The following FBH1 variants were observed in gnomAD, a reference collection of about 807,000 sequenced individuals.
The protein encoded by FBH1 is F-box DNA helicase 1, also known as DNA 3'-5' helicase 1.
Under a neutral mutation model 115.5 loss-of-function variants are expected in FBH1, and 43 were observed. The observed-to-expected ratio is 0.37, with a 90% confidence interval of 0.29 to 0.48. The LOEUF (loss-of-function observed/expected upper bound fraction) is 0.48. Ranked by LOEUF, FBH1 falls within the 20% of genes least tolerant of loss-of-function variation. FBH1 has a pLI of 0.99. For missense variants in FBH1, 1,001 were observed against 1,337.3 expected (o/e 0.75, Z 3.92); for synonymous variants, 524 against 507.8 (o/e 1.03, Z -0.43).
At chr10:5,890,761 CG>C (rs1425452502) in intron 1 of FBH1, among the ~76,000 whole-genome samples, 1 of 152,062 alleles carries the variant, frequency 6.6e-6, no homozygotes, top group African/African-American at 2.4e-5. Flanking sequence ...CCTGTGTCAT[CG>C]GTAGCTTCTC....
rs576222298 is a variant in FBH1, at chr10:5,897,089, C to T, written c.2-5931C>T. The stretch of plus-strand genomic sequence containing the variant: ...ATTAAAACTGATGTGCCTTAGGAGA[C>T]CCTCAGATTGGTGTGGTAGTCACAT... On this transcript the variant is annotated intron_variant, in intron 1 of 20. Coordinates refer to ENST00000362091, the MANE Select transcript of FBH1 (RefSeq NM_178150.3). This position sits in a 1 kb window ranked among gnomAD's most constrained non-coding sequence, Gnocchi z 4.7. Among the ~76,000 whole-genome samples the T allele has an allele frequency of 1.1e-4, 16 of 152,204 alleles. No homozygotes were observed. Among genetic ancestry groups the T allele is most frequent in the Admixed American group, 5.2e-4 (8 of 15,282 alleles).
intron 2 of FBH1, among the ~76,000 whole-genome samples, chr10:5,903,741 C>A (rs1843518688): frequency 6.6e-6 from 1 of 152,166 alleles, no homozygotes; most frequent in Non-Finnish European, 1.5e-5. Flanking sequence ...AAGACATGAG[C>A]CAGTGTCACT....
At chr10:5,898,060 C>A (rs1210103646) in intron 1 of FBH1, among the ~76,000 whole-genome samples, 2 of 151,928 alleles carry the variant, frequency 1.3e-5, no homozygotes, top group African/African-American at 4.8e-5. Flanking sequence ...GGCTCCTGGA[C>A]CTCCCAGCCG....
chr10:5,890,771 T>A (rs1396928447), intron 1 of FBH1, among the ~76,000 whole-genome samples: 7 of 151,990 alleles, frequency 4.6e-5, no homozygotes, highest in Admixed American at 4.6e-4. Flanking sequence ...CGGTAGCTTC[T>A]CTGCCCCTCC....
Position 5,924,255 on chromosome 10 carries a change from C to CCACCATCTGTTAGTGGAGCTTGTGT in FBH1, c.2399-51_2399-27dup. On this transcript the variant is annotated intron_variant, in intron 16 of 20. Transcript: ENST00000362091. This position sits in a 1 kb window ranked among gnomAD's most constrained non-coding sequence, Gnocchi z 6.2. ...GCTGCTTAGGAACGTGCAGCACCTG[C>CCACCATCTGTTAGTGGAGCTTGTGT]CACCATCTGTTAGTGGAGCTTGTGT... 6.4e-7 allele frequency: 1 copy of CCACCATCTGTTAGTGGAGCTTGTGT among 1,571,520 alleles called. No individual in the cohort carries two copies.
chr10:5,918,433 C>T lies in FBH1; in HGVS notation c.2055C>T (p.Asn685=), dbSNP rs143078577. The T allele has an allele frequency of 1.2e-5, 20 of 1,611,240 alleles. No homozygotes were observed. The highest frequency in any genetic ancestry group is 1.2e-4 in the Admixed American group (7 of 58,874). ...TCTATACCTTCCGGGGTGCGGTCAA[C>T]GCCCTGTTCACAGTGCCCCACACCC... ...QQIYTFRGAV[N]ALFTVPHTHV... is the part of the protein sequence containing the mutation. The change falls in exon 13 of 21, where the codon AAC becomes AAT. Residue 685 remains asparagine (N), a synonymous_variant. Coordinates refer to ENST00000362091, the MANE Select transcript of FBH1 (RefSeq NM_178150.3). This position sits in a 1 kb window ranked among gnomAD's most constrained non-coding sequence, Gnocchi z 4.0.
At chr10:5,901,918 G>A (rs774666663) in intron 1 of FBH1, among the ~76,000 whole-genome samples, 4 of 152,164 alleles carry the variant, frequency 2.6e-5, no homozygotes, top group Non-Finnish European at 4.4e-5. Flanking sequence ...CATGCCATAA[G>A]GAGGTAGCTA....
rs1839770564 is a variant in FBH1 at position 5,914,060 on chromosome 10, GC to G, written c.1305-116del. ...AACATGTTTATTCTCGTAAGGGGAGGCCTTTTTTTTGGTCAGCTTTTGTTTA... is the reference window on the plus strand; with the variant it reads ...AACATGTTTATTCTCGTAAGGGGAGGCTTTTTTTTGGTCAGCTTTTGTTTA... On this transcript the variant is annotated intron_variant, in intron 7 of 20. Coordinates refer to ENST00000362091, the MANE Select transcript of FBH1 (RefSeq NM_178150.3). The surrounding 1 kb of genome is among the most constrained non-coding windows in gnomAD (Gnocchi z 5.2). 2 of 974,056 alleles carry G rather than the reference GC, an allele frequency of 2.1e-6. No individual in the cohort carries two copies. The highest frequency in any genetic ancestry group is 3.2e-6 in the Non-Finnish European group (2 of 634,482). 60.3% of individuals were successfully genotyped at this position (974,056 alleles called of 1,614,324 possible).
Position 5,897,760 on chromosome 10 carries a change from C to T in FBH1, c.2-5260C>T, listed in dbSNP as rs1013648187. ...ACATATTGGAATATACCGGGACTCC[C>T]TTGAAGCAGAACACAGTGTTCCAAC... On this transcript the variant is annotated intron_variant, in intron 1 of 20. Coordinates refer to ENST00000362091, the MANE Select transcript of FBH1 (RefSeq NM_178150.3). The surrounding 1 kb of genome is among the most constrained non-coding windows in gnomAD (Gnocchi z 4.7). Among the ~76,000 whole-genome samples the T allele has an allele frequency of 2.0e-5, 3 of 152,180 alleles. No homozygotes were observed. In the South Asian group the frequency reaches 6.2e-4, roughly 32 times the overall value.
intron 1 of FBH1, among the ~76,000 whole-genome samples, chr10:5,898,744 G>T (rs1427356735): frequency 6.6e-6 from 1 of 152,188 alleles, no homozygotes; most frequent in Admixed American, 6.5e-5. Flanking sequence ...CACCTTGCGG[G>T]TGAGGATTTC....
chr10:5,921,168 C>G lies in FBH1; in HGVS notation c.2101-90C>G, dbSNP rs1416885537. 10 of 1,278,776 alleles carry G rather than the reference C, an allele frequency of 7.8e-6. No homozygotes were observed. In the Admixed American group the frequency reaches 1.9e-4, roughly 24 times the overall value. The allele number at this position is 1,278,776 out of a possible 1,614,324, so 79.2% of individuals were successfully genotyped here. A position where few individuals can be genotyped will look rare whatever the true frequency, so the allele number is the denominator to read the frequency against. Reference sequence around the variant, plus strand: ...GGGGGTCAGGAACAACTTGTAGGGTCTGGCCCGGCCAGGCTGTGGCAGCAG... The same window carrying G: ...GGGGGTCAGGAACAACTTGTAGGGTGTGGCCCGGCCAGGCTGTGGCAGCAG... On this transcript the variant is annotated intron_variant, in intron 13 of 20. Transcript: ENST00000362091. The surrounding 1 kb of genome is among the most constrained non-coding windows in gnomAD (Gnocchi z 6.4).
Position 5,913,920 on chromosome 10 carries a change from A to G in FBH1, c.1304+81A>G, listed in dbSNP as rs1831767258. ...CTTAAGGAGGGAGATGTTTTGCTTCACTTTAGCAACATCATTGAGGTTAAT... is the reference window on the plus strand; with the variant it reads ...CTTAAGGAGGGAGATGTTTTGCTTCGCTTTAGCAACATCATTGAGGTTAAT... On this transcript the variant is annotated intron_variant, in intron 7 of 20. Coordinates refer to ENST00000362091, the MANE Select transcript of FBH1 (RefSeq NM_178150.3). This position sits in a 1 kb window ranked among gnomAD's most constrained non-coding sequence, Gnocchi z 4.4. 9.1e-7 allele frequency: 1 copy of G among 1,102,520 alleles called. No homozygotes were observed. Among genetic ancestry groups the G allele is most frequent in the African/African-American group, 1.6e-5 (1 of 62,926 alleles). The allele number at this position is 1,102,520 out of a possible 1,614,324, so 68.3% of individuals were successfully genotyped here.
chr10:5,913,632 TG>T lies in FBH1; in HGVS notation c.1212-113del. 1 of 659,040 alleles carries T rather than the reference TG, an allele frequency of 1.5e-6. No homozygotes were observed. The highest frequency in any genetic ancestry group is 2.5e-6 in the Non-Finnish European group (1 of 393,598). 40.8% of individuals were successfully genotyped at this position (659,040 alleles called of 1,614,324 possible). ...TTTCTTTCTTTTTTCCATTAAATGG[TG>T]GTAGGTATTTTCTTTTTAGAAATGG... On this transcript the variant is annotated intron_variant, in intron 6 of 20. Transcript: ENST00000362091. This position sits in a 1 kb window ranked among gnomAD's most constrained non-coding sequence, Gnocchi z 4.4.
Position 5,895,014 on chromosome 10 carries a change from A to G in FBH1, c.1+4668A>G, listed in dbSNP as rs1302878386. 1 of 1,592,584 alleles carries G rather than the reference A, an allele frequency of 6.3e-7. No homozygotes were observed. Among genetic ancestry groups the G allele is most frequent in the Non-Finnish European group, 8.6e-7 (1 of 1,165,586 alleles). On this transcript the variant is annotated intron_variant, in intron 1 of 20. Transcript: ENST00000362091. This position sits in a 1 kb window ranked among gnomAD's most constrained non-coding sequence, Gnocchi z 5.0. ...TTTTATGGTGCTGGAGTTGAGAGAT[A>G]ACACAGTTAACTGTTGAAATTGGGC...
intron 6 of FBH1, among the ~76,000 whole-genome samples, chr10:5,912,384 A>T (rs565442459): frequency 6.6e-6 from 1 of 151,782 alleles, no homozygotes; most frequent in East Asian, 1.9e-4. Context: ...AAAATGTAGA[A>T]TAAAACTCAG....
rs1256258517 is a variant in FBH1 at position 5,931,746 on chromosome 10, G to T, written c.2829+4205G>T. Among the ~76,000 whole-genome samples, 2 of 152,100 alleles carry T rather than the reference G, an allele frequency of 1.3e-5. No individual in the cohort carries two copies. The highest frequency in any genetic ancestry group is 4.8e-5 in the African/African-American group (2 of 41,410). On this transcript the variant is annotated intron_variant, in intron 19 of 20. Coordinates refer to ENST00000362091, the MANE Select transcript of FBH1 (RefSeq NM_178150.3). This position sits in a 1 kb window ranked among gnomAD's most constrained non-coding sequence, Gnocchi z 4.3. ...TGTGGTTTTATTACCAACTTAATTT[G>T]CAGTTAGACATGTAGTTTATTCATA...
At chr10:5,891,749 A>G (rs1444222147) in intron 1 of FBH1, among the ~76,000 whole-genome samples, 1 of 152,210 alleles carries the variant, frequency 6.6e-6, no homozygotes, top group Non-Finnish European at 1.5e-5. Flanking sequence ...AGCTGGGATT[A>G]CAGGCGTGTG....
At position 5,921,093 on chromosome 10, in the gene FBH1, G is replaced by T. The variant is rs1160227998; in HGVS notation, c.2101-165G>T. Among the ~76,000 whole-genome samples, 1 of 152,226 alleles carries T rather than the reference G, an allele frequency of 6.6e-6. No homozygotes were observed. The highest frequency in any genetic ancestry group is 1.5e-5 in the Non-Finnish European group (1 of 68,038). ...AGAATAATGGAAAATAAAGACTGCTGAGTTGTGAAGGACCTTGAAAGTGAG... is the reference window on the plus strand; with the variant it reads ...AGAATAATGGAAAATAAAGACTGCTTAGTTGTGAAGGACCTTGAAAGTGAG... On this transcript the variant is annotated intron_variant, in intron 13 of 20. Transcript: ENST00000362091. The surrounding 1 kb of genome is among the most constrained non-coding windows in gnomAD (Gnocchi z 6.4).
chr10:5,917,551 T>C lies in FBH1; in HGVS notation c.1877-39T>C. On this transcript the variant is annotated intron_variant, in intron 11 of 20. Coordinates refer to ENST00000362091, the MANE Select transcript of FBH1 (RefSeq NM_178150.3). This position sits in a 1 kb window ranked among gnomAD's most constrained non-coding sequence, Gnocchi z 5.6. ...GCGGGGACTGGCCAATGGGACTGCCTTCCTGGCGTTACAACTCCTGCGTCT... is the reference window on the plus strand; with the variant it reads ...GCGGGGACTGGCCAATGGGACTGCCCTCCTGGCGTTACAACTCCTGCGTCT... 2.5e-6 allele frequency: 4 copies of C among 1,613,456 alleles called. No individual in the cohort carries two copies. Among genetic ancestry groups the C allele is most frequent in the Non-Finnish European group, 3.4e-6 (4 of 1,179,378 alleles).
Sources: gnomAD v4.1 joint callset for allele counts (sites outside exome capture counted in the v4.1 genomes callset) on GRCh38, gnomAD v4.1.1 for gene constraint, Gnocchi (gnomAD v3.1) non-coding constraint, MANE v1.5 for transcripts, NCBI Gene and HGNC (gene_info 2026-07-23, HGNC 2026-07-21) for gene names.